The following SLC44A5 variants were observed in gnomAD, a reference collection of about 807,000 sequenced individuals.
SLC44A5 encodes the protein solute carrier family 44 member 5.
Under a neutral mutation model 101.8 loss-of-function variants are expected in SLC44A5, and 57 were observed. The ratio of observed to expected loss-of-function variants is 0.56; its 90% CI spans 0.45 to 0.70. SLC44A5 has a LOEUF of 0.70. SLC44A5 is among the 30% of genes least tolerant of loss of function. The pLI is 0.00. For synonymous variants in SLC44A5, 281 were observed against 290.9 expected (o/e 0.97, Z 0.35); for missense variants, 737 against 853.1 (o/e 0.86, Z 1.70).
chr1:75,687,714 C>T, the SLC44A5 span, among the ~76,000 whole-genome samples: 1 of 152,198 alleles, frequency 6.6e-6, no homozygotes, highest in Non-Finnish European at 1.5e-5. Context: ...TCTCACTTCC[C>T]TTTCTTGTGT....
intron 2 of SLC44A5, among the ~76,000 whole-genome samples, chr1:75,539,229 A>G (rs1310188360): frequency 1.3e-5 from 2 of 152,210 alleles, no homozygotes; most frequent in East Asian, 1.9e-4. Flanking sequence ...TCACATATCA[A>G]AATTTCATTT....
upstream of SLC44A5, chr1:75,611,223 G>A (rs762108931): frequency 6.7e-5 from 18 of 269,778 alleles, no homozygotes; most frequent in Non-Finnish European, 8.5e-5. Context: ...AGCCTCAAAG[G>A]AGTCACTTGG....
intron 3 of SLC44A5, among the ~76,000 whole-genome samples, chr1:75,384,124 T>G (rs1016707882): frequency 1.1e-4 from 16 of 152,046 alleles, no homozygotes; most frequent in South Asian, 6.2e-4. Flanking sequence ...AAAGACCATC[T>G]AGACTAGGAA....
intron 4 of SLC44A5, among the ~76,000 whole-genome samples, chr1:75,321,726 C>A (rs1470653750): frequency 6.6e-6 from 1 of 152,186 alleles, no homozygotes; most frequent in Non-Finnish European, 1.5e-5. Flanking sequence ...TTTATTTCCA[C>A]ATGTATTTTA....
chr1:75,568,094 T>C (rs184089282), intron 1 of SLC44A5, among the ~76,000 whole-genome samples: 206 of 152,350 alleles, frequency 1.4e-3, no homozygotes, highest in African/African-American at 4.8e-3. Context: ...GATTTTGTTT[T>C]GTACTTTTTT....
At chr1:75,238,403 T>C in intron 10 of SLC44A5, 110 bp downstream of exon 10, 1 of 254,400 alleles carries the variant, frequency 3.9e-6, no homozygotes, top group Non-Finnish European at 6.8e-6. Context: ...TATATATATA[T>C]ATATATATAT....
intron 11 of SLC44A5, among the ~76,000 whole-genome samples, chr1:75,235,489 G>A (rs559046023): frequency 3.9e-5 from 6 of 152,030 alleles, no homozygotes; most frequent in African/African-American, 1.2e-4. Context: ...AAATTATCTA[G>A]TGACATTTGG....
chr1:75,437,947 T>C (rs1188694949), intron 2 of SLC44A5, among the ~76,000 whole-genome samples: 5 of 152,284 alleles, frequency 3.3e-5, no homozygotes, highest in Middle Eastern at 3.4e-3. Flanking sequence ...TTTTGATCTA[T>C]TGTTAGTACT....
At chr1:75,496,739 A>G (rs11163502) in intron 2 of SLC44A5, among the ~76,000 whole-genome samples, 21,546 of 152,098 alleles carry the variant, frequency 0.14, 1,705 homozygotes, top group African/African-American at 0.18. Flanking sequence ...TATCTAATAA[A>G]GAGTTAATAT....
intron 2 of SLC44A5, among the ~76,000 whole-genome samples, chr1:75,407,018 A>G (rs1662918498): frequency 6.6e-6 from 1 of 152,184 alleles, no homozygotes; most frequent in Admixed American, 6.5e-5. Context: ...AAGTCTCAGG[A>G]TACAAAATCA....
chr1:75,346,644 T>C (rs903473976), intron 3 of SLC44A5, among the ~76,000 whole-genome samples: 5 of 152,160 alleles, frequency 3.3e-5, no homozygotes, highest in African/African-American at 1.2e-4. Context: ...TCTGAATCAA[T>C]AGTGATTTAA....
chr1:75,660,565 T>C, the SLC44A5 span, among the ~76,000 whole-genome samples: 1 of 152,142 alleles, frequency 6.6e-6, no homozygotes, highest in Non-Finnish European at 1.5e-5. Context: ...AATTTTTATA[T>C]TTAGGAAAAC....
intron 6 of SLC44A5, among the ~76,000 whole-genome samples, chr1:75,261,894 A>G (rs1650542287): frequency 6.6e-6 from 1 of 152,158 alleles, no homozygotes; most frequent in Non-Finnish European, 1.5e-5. Flanking sequence ...ACCAAAAACC[A>G]CATGATTATC....
the SLC44A5 span, among the ~76,000 whole-genome samples, chr1:75,713,411 C>T: frequency 6.6e-6 from 1 of 152,144 alleles, no homozygotes. Context: ...AGGTCTTCTC[C>T]TCAGGAATAT....
At chr1:75,386,748 C>A (rs1335779489) in intron 3 of SLC44A5, among the ~76,000 whole-genome samples, 1 of 148,256 alleles carries the variant, frequency 6.7e-6, no homozygotes, top group African/African-American at 2.5e-5. Flanking sequence ...GCCCGCATCG[C>A]CAAGGCAATC....
intron 3 of SLC44A5, among the ~76,000 whole-genome samples, chr1:75,366,389 G>T (rs1165271025): frequency 6.6e-6 from 1 of 151,924 alleles, no homozygotes; most frequent in Non-Finnish European, 1.5e-5. Flanking sequence ...AAACCCATTG[G>T]CAGCCTCATT....
At chr1:75,623,398 A>C in the SLC44A5 span, among the ~76,000 whole-genome samples, 2 of 152,126 alleles carry the variant, frequency 1.3e-5, no homozygotes, top group African/African-American at 4.8e-5. Flanking sequence ...TGAAAGGCCC[A>C]GGTAGGAAAT....
chr1:75,392,183 A>C (rs946526522), intron 3 of SLC44A5, among the ~76,000 whole-genome samples: 6 of 152,122 alleles, frequency 3.9e-5, no homozygotes, highest in Non-Finnish European at 8.8e-5. Context: ...ACCTAATTAA[A>C]CTGAAGAGCT....
rs116159042 is a variant in SLC44A5, at chr1:75,268,672, G to C, written c.260+6286C>G. 8.1e-3 allele frequency among the ~76,000 whole-genome samples: 1,233 copies of C among 152,186 alleles called. 6 individuals carry two copies. Among genetic ancestry groups the C allele is most frequent in the Non-Finnish European group, 0.013 (867 of 68,016 alleles). On this transcript the variant is annotated intron_variant, in intron 6 of 23. Coordinates refer to ENST00000370859, the MANE Select transcript of SLC44A5 (RefSeq NM_001130058.2). ...TTTTCTTGCATATGTTTTCATATAT[G>C]TGAATATAGAGTATACAAGTGTACA... is the stretch of plus-strand genomic sequence containing the variant.
Sources: gnomAD v4.1 joint callset for allele counts (sites outside exome capture counted in the v4.1 genomes callset) on GRCh38, gnomAD v4.1.1 for gene constraint, MANE v1.5 for transcripts, NCBI Gene and HGNC (gene_info 2026-07-23, HGNC 2026-07-21) for gene names.